Variants in MGMT observed in about 807,000 individuals in gnomAD.
MGMT encodes the protein O-6-methylguanine-DNA methyltransferase.
A neutral mutation model predicts 15.9 loss-of-function variants in MGMT; 14 were observed. The observed-to-expected ratio is 0.88, with a 90% CI of 0.58 to 1.37. The LOEUF (loss-of-function observed/expected upper bound fraction) is 1.37. MGMT is among the 40% of genes most tolerant of loss of function. MGMT has a pLI of 0.00. For synonymous variants in MGMT, 130 were observed against 118.2 expected (o/e 1.10, Z -0.65); for missense variants, 282 against 268.1 (o/e 1.05, Z -0.36).
intron 2 of MGMT, among the ~76,000 whole-genome samples, chr10:129,611,204 T>G (rs929547790): frequency 9.9e-5 from 15 of 152,080 alleles, no homozygotes; most frequent in African/African-American, 3.6e-4. Flanking sequence ...TGAGACTGGG[T>G]AATTTATGAA....
intron 4 of MGMT, 138 bp from the exon 5 acceptor site, chr10:129,766,650 C>G (rs1848938694): frequency 2.1e-5 from 15 of 724,918 alleles, no homozygotes; most frequent in Non-Finnish European, 1.8e-5. Flanking sequence ...TGACACCCAC[C>G]CATGCCAACA....
chr10:129,492,707 A>G (rs1028004574), intron 1 of MGMT, among the ~76,000 whole-genome samples: 2 of 152,208 alleles, frequency 1.3e-5, no homozygotes, highest in Non-Finnish European at 2.9e-5. Flanking sequence ...AGCAAAGGGC[A>G]GTCTCCACTG....
chr10:129,641,511 T>TAA (rs1314150382), intron 2 of MGMT, among the ~76,000 whole-genome samples: 1 of 152,238 alleles, frequency 6.6e-6, no homozygotes, highest in Non-Finnish European at 1.5e-5. Flanking sequence ...TAGAGAATGT[T>TAA]AAAGTAACTG....
In MGMT at chr10:129,507,887, G is replaced by A. The variant is rs117863857; in HGVS notation, c.-12-28354G>A. Among the ~76,000 whole-genome samples, 549 of 152,248 alleles carry A rather than the reference G, an allele frequency of 3.6e-3. 2 individuals are homozygous for A. Among genetic ancestry groups the A allele is most frequent in the Non-Finnish European group, 5.8e-3 (396 of 68,016 alleles). ...AACTTCAGCAGCTAGCAAACAAGCC[G>A]AAAGCTTTTGTTCTCATTCCACCAC... On this transcript the variant is annotated intron_variant, in intron 1 of 4. Coordinates refer to ENST00000651593, the MANE Select transcript of MGMT (RefSeq NM_002412.5).
At chr10:129,633,017 A>G (rs1459421923) in intron 2 of MGMT, among the ~76,000 whole-genome samples, 1 of 152,220 alleles carries the variant, frequency 6.6e-6, no homozygotes, top group African/African-American at 2.4e-5. Flanking sequence ...TTAGGAAAAA[A>G]TGTAAATACA....
At chr10:129,495,004 A>G (rs1295651938) in intron 1 of MGMT, among the ~76,000 whole-genome samples, 2 of 152,350 alleles carry the variant, frequency 1.3e-5, no homozygotes, top group Non-Finnish European at 2.9e-5. Context: ...GAGAAGAATA[A>G]AAGATTGTGC....
chr10:129,585,954 T>C (rs1361089559), intron 2 of MGMT, among the ~76,000 whole-genome samples: 1 of 152,116 alleles, frequency 6.6e-6, no homozygotes, highest in Non-Finnish European at 1.5e-5. Flanking sequence ...AGCACTGCAA[T>C]GACCTTGATA....
At chr10:129,519,147 C>T (rs778215832) in intron 1 of MGMT, among the ~76,000 whole-genome samples, 2 of 152,244 alleles carry the variant, frequency 1.3e-5, no homozygotes, top group South Asian at 2.1e-4. Context: ...AAGCTGTCTT[C>T]GAGGGGAAAG....
At chr10:129,529,805 A>T (rs7913096) in intron 1 of MGMT, among the ~76,000 whole-genome samples, 5,726 of 111,618 alleles carry the variant, frequency 0.051, 163 homozygotes, top group South Asian at 0.12. Flanking sequence ...CAACAGTGTA[A>T]CATTAGCTTT....
intron 2 of MGMT, among the ~76,000 whole-genome samples, chr10:129,561,744 T>A (rs957358453): frequency 6.6e-6 from 1 of 152,198 alleles, no homozygotes; most frequent in Non-Finnish European, 1.5e-5. Flanking sequence ...CTTTCCTTAT[T>A]GTCATAATTT....
chr10:129,597,028 T>G (rs1197247431), intron 2 of MGMT, among the ~76,000 whole-genome samples: 2 of 152,178 alleles, frequency 1.3e-5, no homozygotes, highest in Non-Finnish European at 2.9e-5. Flanking sequence ...CCCTAAATCC[T>G]CATCTGATCT....
At chr10:129,723,795 T>G (rs1473246766) in intron 3 of MGMT, among the ~76,000 whole-genome samples, 1 of 152,158 alleles carries the variant, frequency 6.6e-6, no homozygotes, top group Non-Finnish European at 1.5e-5. Flanking sequence ...CTCGGCATCA[T>G]CAGTCATTAG....
chr10:129,759,642 C>T (rs1166119452), intron 4 of MGMT, among the ~76,000 whole-genome samples: 2 of 152,098 alleles, frequency 1.3e-5, no homozygotes, highest in African/African-American at 4.8e-5. Flanking sequence ...GCAGAGGGTG[C>T]CCCACCTGCT....
Position 129,591,743 on chromosome 10 carries a change from A to C in MGMT, c.125+55366A>C, listed in dbSNP as rs1846688975. Reference sequence around the variant, plus strand: ...TCAGGAGTTCGAGACCAGCCTGGCCAACATAGTGAAACCCTATCTCTTCTA... The same window carrying C: ...TCAGGAGTTCGAGACCAGCCTGGCCCACATAGTGAAACCCTATCTCTTCTA... On this transcript the variant is annotated intron_variant, in intron 2 of 4. Coordinates refer to ENST00000651593, the MANE Select transcript of MGMT (RefSeq NM_002412.5). Among the ~76,000 whole-genome samples, 3 of 152,302 alleles carry C rather than the reference A, an allele frequency of 2.0e-5. No homozygotes were observed. The South Asian group carries it at 6.2e-4, about 32-fold the overall frequency.
At chr10:129,495,784 C>T (rs56845592) in intron 1 of MGMT, among the ~76,000 whole-genome samples, 7,721 of 152,248 alleles carry the variant, frequency 0.051, 559 homozygotes, top group African/African-American at 0.16. Flanking sequence ...AGCATCTTCA[C>T]GTAGTTCACA....
chr10:129,488,004 TACACACACACACACACAC>T, intron 1 of MGMT, among the ~76,000 whole-genome samples: 1 of 121,504 alleles, frequency 8.2e-6, no homozygotes, highest in East Asian at 2.3e-4. Context: ...CACATAGGTA[TACACACACACACACACAC>T]ACACACACAC....
At chr10:129,587,725 C>T (rs563535730) in intron 2 of MGMT, among the ~76,000 whole-genome samples, 38 of 151,980 alleles carry the variant, frequency 2.5e-4, no homozygotes, top group East Asian at 5.8e-4. Flanking sequence ...TGTGAGCCAC[C>T]GTACCCGACC....
intron 2 of MGMT, among the ~76,000 whole-genome samples, chr10:129,617,047 G>T (rs1387621248): frequency 1.3e-5 from 2 of 152,188 alleles, no homozygotes; most frequent in Non-Finnish European, 2.9e-5. Context: ...GGGGTTTTGT[G>T]TGTGGATTAT....
At chr10:129,564,356 T>TTCC (rs1419284519) in intron 2 of MGMT, among the ~76,000 whole-genome samples, 1 of 43,980 alleles carries the variant, frequency 2.3e-5, no homozygotes, top group African/African-American at 9.4e-5. Context: ...TCTTCTCCCC[T>TTCC]TCCTCCTCCT....
Sources: allele counts gnomAD v4.1 joint callset (sites outside exome capture counted in the v4.1 genomes callset), GRCh38; gene constraint gnomAD v4.1.1; transcripts MANE v1.5; gene names NCBI Gene and HGNC (gene_info 2026-07-23, HGNC 2026-07-21).